Variants in RGPD3 observed in about 807,000 individuals in gnomAD.
RGPD3 encodes the protein ranBP2-like and GRIP domain-containing protein 3.
Under a neutral mutation model 154.5 loss-of-function variants are expected in RGPD3, and 62 were observed. That is an observed-to-expected ratio of 0.40 (90% CI 0.33 to 0.50). The LOEUF (loss-of-function observed/expected upper bound fraction) is 0.50. Ranked by LOEUF, RGPD3 falls within the 20% of genes least tolerant of loss-of-function variation. The probability of loss-of-function intolerance (pLI) is 0.59; values close to 1 mark genes in which losing one functional copy is unlikely to be tolerated. For synonymous variants in RGPD3, 308 were observed against 607.0 expected, an observed-to-expected ratio of 0.51 and a Z score of 7.24; for missense variants, 919 against 1,716.8, an observed-to-expected ratio of 0.54 and a Z score of 8.21.
At chr2:106,445,214 A>C (rs1677873862) in intron 7 of RGPD3, among the ~76,000 whole-genome samples, 1 of 143,834 alleles carries the variant, frequency 7.0e-6, no homozygotes, top group African/African-American at 2.6e-5. Flanking sequence ...GCGTGAACCC[A>C]GGAGGCGGAG....
chr2:106,464,295 C>G (rs1442799248), intron 1 of RGPD3, among the ~76,000 whole-genome samples: 1 of 145,968 alleles, frequency 6.9e-6, no homozygotes, highest in Non-Finnish European at 1.5e-5. Context: ...GAGCCGAGAT[C>G]GCGCCACTGC....
At chr2:106,432,167 A>C (rs1233108002) in intron 17 of RGPD3, among the ~76,000 whole-genome samples, 1 of 149,008 alleles carries the variant, frequency 6.7e-6, no homozygotes, top group Non-Finnish European at 1.5e-5. Flanking sequence ...AAAATATAGT[A>C]AAGGGCTGGG....
At chr2:106,448,432 A>G (rs1355331154) in intron 6 of RGPD3, among the ~76,000 whole-genome samples, 5 of 151,086 alleles carry the variant, frequency 3.3e-5, no homozygotes, top group African/African-American at 1.2e-4. Flanking sequence ...TCTATATTCT[A>G]AATTAGTTCT....
In RGPD3 at chr2:106,413,217, T is replaced by C; in HGVS notation, c.5133A>G (p.Glu1711=). 6.2e-7 allele frequency: 1 copy of C among 1,611,976 alleles called. No individual in the cohort carries two copies. The highest frequency in any genetic ancestry group is 2.2e-5 in the East Asian group (1 of 44,868). ...QEQEVSAANV[E]HLKNVLLQFI... ...ACTGCAGCAAGACGTTCTTCAAGTG[T>C]TCCACGTTAGCTGCAGACACCTCTT... Residue 1711 remains glutamate, a synonymous_variant, in exon 22 of 23, where the codon GAA becomes GAG. Coordinates refer to ENST00000409886, the MANE Select transcript of RGPD3 (RefSeq NM_001144013.2).
intron 22 of RGPD3, among the ~76,000 whole-genome samples, chr2:106,410,542 G>C (rs1039570264): frequency 6.6e-6 from 1 of 152,086 alleles, no homozygotes; most frequent in Non-Finnish European, 1.5e-5. Flanking sequence ...TTTAAAAGAG[G>C]GCTGTTAGAC....
At chr2:106,467,665 G>T (rs868623762) in intron 1 of RGPD3, among the ~76,000 whole-genome samples, 76 of 138,520 alleles carry the variant, frequency 5.5e-4, no homozygotes, top group African/African-American at 2.0e-3. Flanking sequence ...AGCAGCGCCC[G>T]TCGGGAGCCA....
chr2:106,446,360 G>A (rs1448198782), intron 7 of RGPD3, among the ~76,000 whole-genome samples: 1 of 152,132 alleles, frequency 6.6e-6, no homozygotes, highest in Non-Finnish European at 1.5e-5. Context: ...TAGGTCAGGA[G>A]ATTGAGACCA....
chr2:106,458,953 T>C (rs532787642), intron 2 of RGPD3, among the ~76,000 whole-genome samples: 130 of 138,510 alleles, frequency 9.4e-4, no homozygotes, highest in Middle Eastern at 3.5e-3. Flanking sequence ...ATCAGATATC[T>C]AACCAAAAAC....
In RGPD3 at chr2:106,434,268, A is replaced by G. The variant is rs1677470330; in HGVS notation, c.2165T>C (p.Ile722Thr). Reference sequence around the variant, plus strand: ...AAGATTTGAATCACTGTCATCTAAAATCTTTATTAGGTAGCCCCTGGTCTT... The same window carrying G: ...AAGATTTGAATCACTGTCATCTAAAGTCTTTATTAGGTAGCCCCTGGTCTT... ...LRKTRGYLIK[I>T]LDDSDSNLSV... The change falls in exon 15 of 23, where the codon ATT becomes ACT. Residue 722 changes from isoleucine (I) to threonine (T), a missense_variant. By Grantham distance (89) the Ile-to-Thr change is moderately conservative (BLOSUM62 -1). Coordinates refer to ENST00000409886, the MANE Select transcript of RGPD3 (RefSeq NM_001144013.2). 1 of 1,600,008 alleles carries G rather than the reference A, an allele frequency of 6.2e-7. No homozygotes were observed. Among genetic ancestry groups the G allele is most frequent in the African/African-American group, 1.4e-5 (1 of 72,948 alleles).
At chr2:106,407,471 G>T (rs1676550379) in intron 22 of RGPD3, among the ~76,000 whole-genome samples, 1 of 151,692 alleles carries the variant, frequency 6.6e-6, no homozygotes, top group African/African-American at 2.4e-5. Context: ...GCTTAGGGAT[G>T]GACAACTTGG....
At chr2:106,427,070 A>C (rs1429437469) in intron 18 of RGPD3, among the ~76,000 whole-genome samples, 3 of 148,616 alleles carry the variant, frequency 2.0e-5, no homozygotes, top group African/African-American at 7.7e-5. Context: ...ATATTAAATA[A>C]AAAAAAAATC....
At chr2:106,458,971 G>A (rs1437903925) in intron 2 of RGPD3, among the ~76,000 whole-genome samples, 2 of 140,456 alleles carry the variant, frequency 1.4e-5, no homozygotes, top group African/African-American at 5.0e-5. Context: ...AACAAATTAA[G>A]ATATAGGCAT....
chr2:106,448,926 C>T (rs1341217061), intron 6 of RGPD3, among the ~76,000 whole-genome samples: 3 of 150,896 alleles, frequency 2.0e-5, no homozygotes, highest in Non-Finnish European at 4.4e-5. Flanking sequence ...CTCCTGACTT[C>T]GTGATCCACC....
At position 106,404,917 on chromosome 2, in the gene RGPD3, T is replaced by C; in HGVS notation, c.*302A>G. On this transcript the variant is annotated 3_prime_UTR_variant, in exon 23 of 23. Transcript: ENST00000409886. ...GGAGTGAATTCATTCCTGGTGGTTT[T>C]ATTCTGGCAGCATGCATGGGAGATC... 1 of 430,662 alleles carries C rather than the reference T, an allele frequency of 2.3e-6. No individual in the cohort carries two copies. The highest frequency in any genetic ancestry group is 6.6e-4 in the Middle Eastern group (1 of 1,512). The allele number at this position is 430,662 out of a possible 1,614,324, so 26.7% of individuals were successfully genotyped here. A position where few individuals can be genotyped will look rare whatever the true frequency, so the allele number is the denominator to read the frequency against.
chr2:106,413,934 A>T (rs1209716301), intron 21 of RGPD3, among the ~76,000 whole-genome samples: 1 of 152,176 alleles, frequency 6.6e-6, no homozygotes, highest in South Asian at 2.1e-4. Flanking sequence ...ATAGAAACTA[A>T]GCCAGTATGG....
At chr2:106,439,883 A>T (rs1677686867) in intron 8 of RGPD3, among the ~76,000 whole-genome samples, 1 of 142,326 alleles carries the variant, frequency 7.0e-6, no homozygotes, top group South Asian at 2.3e-4. Flanking sequence ...AAAAAAAAAG[A>T]ATTATTTCCA....
At position 106,413,282 on chromosome 2, in the gene RGPD3, G is replaced by A. The variant is rs777331520; in HGVS notation, c.5068C>T (p.Leu1690Phe). The part of the protein sequence containing the change: ...NAVLMEQIKL[L>F]KSEIRRLERN... The stretch of plus-strand genomic sequence containing the variant: ...TCCAATCTTCTTATTTCACTTTTGA[G>A]AAGCTGGTGTTAGAGAAATGAGTTA... Residue 1690 changes from leucine (L) to phenylalanine (F), a missense_variant, in exon 22 of 23, where the codon CTC becomes TTC. Coordinates refer to ENST00000409886, the MANE Select transcript of RGPD3 (RefSeq NM_001144013.2). 38 of 1,611,696 alleles carry A rather than the reference G, an allele frequency of 2.4e-5. No homozygotes were observed. In the African/African-American group the frequency reaches 3.9e-4, roughly 16 times the overall value.
chr2:106,423,310 CACT>C lies in RGPD3; in HGVS notation c.4654_4656del (p.Ser1552del). 6.2e-7 allele frequency: 1 copy of C among 1,612,008 alleles called. No individual in the cohort carries two copies. Among genetic ancestry groups the C allele is most frequent in the South Asian group, 1.1e-5 (1 of 90,992 alleles). On this transcript the variant is annotated inframe_deletion, in exon 20 of 23. Coordinates refer to ENST00000409886, the MANE Select transcript of RGPD3 (RefSeq NM_001144013.2). ...CCAAATGCAAATGGTTTTGATTTTT[CACT>C]ACTAAAAATTCTTTTAACAGACTCT...
chr2:106,461,734 G>A (rs1272964437), intron 1 of RGPD3, among the ~76,000 whole-genome samples: 5 of 151,650 alleles, frequency 3.3e-5, no homozygotes, highest in Admixed American at 1.3e-4. Context: ...TGTAAACAAG[G>A]AGGTGAGAGA....
Sources: gnomAD v4.1 joint callset for allele counts (sites outside exome capture counted in the v4.1 genomes callset) on GRCh38, gnomAD v4.1.1 for gene constraint, MANE v1.5 for transcripts, NCBI Gene and HGNC (gene_info 2026-07-23, HGNC 2026-07-21) for gene names.